Variants in CSRNP3 observed in about 807,000 individuals in gnomAD.
CSRNP3 encodes cysteine and serine rich nuclear protein 3, also known as cysteine/serine-rich nuclear protein 3.
Under a neutral mutation model 48.0 loss-of-function variants are expected in CSRNP3, and 12 were observed. That is an observed-to-expected ratio of 0.25 (90% confidence interval 0.16 to 0.41). The LOEUF (loss-of-function observed/expected upper bound fraction) is 0.41, where lower values mean the gene tolerates loss of function less well. Ranked by LOEUF, CSRNP3 falls within the 10% of genes least tolerant of loss-of-function variation. The pLI, the probability that CSRNP3 is intolerant of heterozygous loss-of-function variation, is 1.00. For synonymous variants in CSRNP3, 263 were observed against 269.7 expected, an observed-to-expected ratio of 0.98 and a Z score of 0.24; for missense variants, 580 against 724.4, an observed-to-expected ratio of 0.80 and a Z score of 2.29.
intron 3 of CSRNP3, among the ~76,000 whole-genome samples, chr2:165,555,064 A>G (rs541008365): frequency 6.6e-4 from 100 of 151,976 alleles, no homozygotes; most frequent in African/African-American, 2.3e-3. Flanking sequence ...CTCTTGGCTT[A>G]CCTCCTCACC....
intron 4 of CSRNP3, among the ~76,000 whole-genome samples, chr2:165,650,234 G>A (rs1475876957): frequency 2.6e-5 from 4 of 152,134 alleles, no homozygotes; most frequent in African/African-American, 9.7e-5. Context: ...TTCAGGAAAC[G>A]AGAATGTGCC....
chr2:165,495,376 C>G (rs1338089063), intron 2 of CSRNP3, among the ~76,000 whole-genome samples: 1 of 151,966 alleles, frequency 6.6e-6, no homozygotes, highest in South Asian at 2.1e-4. Flanking sequence ...CCTTGAAAGC[C>G]TTGAGATCCT....
At chr2:165,649,865 G>A (rs1686876211) in intron 4 of CSRNP3, among the ~76,000 whole-genome samples, 1 of 151,900 alleles carries the variant, frequency 6.6e-6, no homozygotes, top group South Asian at 2.1e-4. Context: ...TATTCTTTTG[G>A]GAAGAAAAAT....
At chr2:165,492,855 G>A (rs1022318206) in intron 1 of CSRNP3, among the ~76,000 whole-genome samples, 1 of 149,860 alleles carries the variant, frequency 6.7e-6, no homozygotes, top group Non-Finnish European at 1.5e-5. Flanking sequence ...ATAATGAATG[G>A]CCCTTAAACA....
chr2:165,599,705 C>CATTTATT (rs1685879852), intron 4 of CSRNP3, among the ~76,000 whole-genome samples: 1 of 152,098 alleles, frequency 6.6e-6, no homozygotes. Context: ...ATTTTTAGGA[C>CATTTATT]ATTTATTATT....
intron 4 of CSRNP3, among the ~76,000 whole-genome samples, chr2:165,597,138 G>T (rs1574855999): frequency 6.6e-6 from 1 of 152,170 alleles, no homozygotes; most frequent in East Asian, 1.9e-4. Context: ...TATTTCTCAT[G>T]AGTTATAAAG....
intron 3 of CSRNP3, among the ~76,000 whole-genome samples, chr2:165,542,464 C>A (rs1478848300): frequency 1.3e-5 from 2 of 150,244 alleles, no homozygotes; most frequent in Non-Finnish European, 2.9e-5. Context: ...CAAAAGGGCT[C>A]CAACAATTCA....
chr2:165,610,221 C>A (rs1002475375), intron 4 of CSRNP3, among the ~76,000 whole-genome samples: 1 of 152,118 alleles, frequency 6.6e-6, no homozygotes, highest in Non-Finnish European at 1.5e-5. Context: ...GCTTTAATAT[C>A]ATTATATTGT....
rs144312286 is a variant in CSRNP3 at position 165,645,874 on chromosome 2, T to G, written c.149-11887T>G. On this transcript the variant is annotated intron_variant, in intron 4 of 6. Coordinates refer to ENST00000651982, the MANE Select transcript of CSRNP3 (RefSeq NM_001172173.2). Reference sequence around the variant, plus strand: ...GATTTTTCTGCCTCAGCCTTGTAGGTTTTTTTTGTTTTGTTTTGTTTTGTG... The same window carrying G: ...GATTTTTCTGCCTCAGCCTTGTAGGGTTTTTTTGTTTTGTTTTGTTTTGTG... Among the ~76,000 whole-genome samples, 1,095 of 151,884 alleles carry G rather than the reference T, an allele frequency of 7.2e-3. 17 individuals carry two copies. The highest frequency in any genetic ancestry group is 0.025 in the African/African-American group (1,030 of 41,442).
intron 3 of CSRNP3, among the ~76,000 whole-genome samples, chr2:165,551,687 G>T (rs1280003892): frequency 6.6e-6 from 1 of 152,092 alleles, no homozygotes. Context: ...TAAAAATAAA[G>T]TATGTTTAAT....
At position 165,683,519 on chromosome 2, in the gene CSRNP3, A is replaced by G. The variant is rs902378575; in HGVS notation, c.*3766A>G. On this transcript the variant is annotated 3_prime_UTR_variant, in exon 7 of 7. Coordinates refer to ENST00000651982, the MANE Select transcript of CSRNP3 (RefSeq NM_001172173.2). ...TATGATTACCATTAAACAGGAAAAC[A>G]TACCATGATTTACTTTCTATAACTT... 1 of 152,146 alleles carries G rather than the reference A, an allele frequency of 6.6e-6. No homozygotes were observed. Among genetic ancestry groups the G allele is most frequent in the African/African-American group, 2.4e-5 (1 of 41,454 alleles). The allele number at this position is 152,146 out of a possible 1,614,324, so 9.4% of individuals were successfully genotyped here.
rs199893751 is a variant in CSRNP3 at position 165,595,105 on chromosome 2, G to A, written c.40G>A (p.Gly14Ser). The A allele has an allele frequency of 5.7e-5, 92 of 1,614,044 alleles. No homozygotes were observed. The Middle Eastern group carries it at 6.6e-4, about 12-fold the overall frequency. Residue 14 changes from glycine to serine, a missense_variant, in exon 4 of 7, where the codon GGC becomes AGC. By Grantham distance (56) the Gly-to-Ser change is moderately conservative (BLOSUM62 0). Around this residue, in one of 4 missense-constraint regions of CSRNP3, gnomAD observed 83 missense variants for 139.6 expected, o/e 0.59. Transcript: ENST00000651982. ...ILKRKFEEVD[G>S]SSPCSSVRES... ...AAAGAGGAAGTTTGAAGAAGTTGAC[G>A]GCTCCTCACCCTGCTCCTCTGTGAG... is the stretch of plus-strand genomic sequence containing the variant.
intron 4 of CSRNP3, among the ~76,000 whole-genome samples, chr2:165,613,212 A>G (rs1368975486): frequency 6.6e-6 from 1 of 152,042 alleles, no homozygotes; most frequent in Non-Finnish European, 1.5e-5. Context: ...TTGGCTATTT[A>G]TATGTCTTCT....
chr2:165,566,911 C>T (rs1685305007), intron 3 of CSRNP3: 1 of 151,754 alleles, frequency 6.6e-6, no homozygotes, highest in African/African-American at 2.4e-5. Flanking sequence ...ATAAATGAAC[C>T]CAGATGAATA....
intron 4 of CSRNP3, among the ~76,000 whole-genome samples, chr2:165,617,677 G>A (rs971184599): frequency 1.2e-4 from 18 of 152,334 alleles, no homozygotes; most frequent in Admixed American, 7.2e-4. Context: ...TAGATGATAC[G>A]CATATGCAGG....
intron 4 of CSRNP3, among the ~76,000 whole-genome samples, chr2:165,653,229 T>A (rs1030944223): frequency 6.6e-6 from 1 of 152,240 alleles, no homozygotes; most frequent in Non-Finnish European, 1.5e-5. Flanking sequence ...GCCACACTTA[T>A]AATATCCCCT....
intron 3 of CSRNP3, among the ~76,000 whole-genome samples, chr2:165,526,025 AT>A (rs1684728527): frequency 6.6e-6 from 1 of 152,096 alleles, no homozygotes; most frequent in Non-Finnish European, 1.5e-5. Context: ...TTGACTTTGC[AT>A]TTTTGTCAGA....
chr2:165,600,324 A>G (rs1685893478), intron 4 of CSRNP3, among the ~76,000 whole-genome samples: 1 of 149,498 alleles, frequency 6.7e-6, no homozygotes, highest in Admixed American at 6.6e-5. Context: ...TTCTTAATCC[A>G]GTCCATCATT....
intron 4 of CSRNP3, among the ~76,000 whole-genome samples, chr2:165,645,534 G>A (rs565805938): frequency 1.3e-5 from 2 of 152,198 alleles, no homozygotes; most frequent in South Asian, 4.2e-4. Flanking sequence ...AAAATTTGAA[G>A]TGCAAGCCCA....
Sources: gnomAD v4.1 joint callset for allele counts (sites outside exome capture counted in the v4.1 genomes callset) on GRCh38, gnomAD v4.1.1 for gene constraint, gnomAD v4.1.1 regional missense constraint, MANE v1.5 for transcripts, NCBI Gene and HGNC (gene_info 2026-07-23, HGNC 2026-07-21) for gene names.